DR1: variants seen among roughly 807,000 people sequenced by gnomAD.
DR1 encodes down-regulator of transcription 1, also known as protein Dr1.
In DR1, 7 loss-of-function variants were observed where a neutral mutation model predicts 19.9. The ratio of observed to expected loss-of-function variants is 0.35; its 90% CI spans 0.20 to 0.66. The LOEUF (loss-of-function observed/expected upper bound fraction) is 0.66, where lower values mean the gene tolerates loss of function less well. DR1 is among the 30% of genes least tolerant of loss of function. The pLI is 0.66. For missense variants in DR1, 98 were observed against 203.7 expected (o/e 0.48, Z 3.16); for synonymous variants, 76 against 72.5 (o/e 1.05, Z -0.24).
At chr1:93,356,739 T>TTTA (rs1666991001) in intron 2 of DR1, among the ~76,000 whole-genome samples, 1 of 137,732 alleles carries the variant, frequency 7.3e-6, no homozygotes, top group African/African-American at 2.5e-5. Flanking sequence ...TTTTTTTTTT[T>TTTA]GAGATGGAGT....
In DR1 at chr1:93,367,043, G is replaced by T. The variant is rs1032489728; in HGVS notation, c.*6404G>T. ...TTATCCAGCCCCAAATGTTTATGGG[G>T]TTGTTATTGATAAACCCTGCATTAA... On this transcript the variant is annotated 3_prime_UTR_variant, in exon 3 of 3. Coordinates refer to ENST00000370272, the MANE Select transcript of DR1 (RefSeq NM_001938.3). 1 of 151,634 alleles carries T rather than the reference G, an allele frequency of 6.6e-6. No homozygotes were observed. Among genetic ancestry groups the T allele is most frequent in the Admixed American group, 6.6e-5 (1 of 15,196 alleles). The allele number at this position is 151,634 out of a possible 1,614,324, so 9.4% of individuals were successfully genotyped here. A position where few individuals can be genotyped will look rare whatever the true frequency, so the allele number is the denominator to read the frequency against.
At position 93,363,263 on chromosome 1, in the gene DR1, T is replaced by C. The variant is rs535566472; in HGVS notation, c.*2624T>C. 2.0e-5 allele frequency: 3 copies of C among 152,334 alleles called. No individual in the cohort carries two copies. Among genetic ancestry groups the C allele is most frequent in the African/African-American group, 7.2e-5 (3 of 41,582 alleles). 9.4% of individuals were successfully genotyped at this position (152,334 alleles called of 1,614,324 possible). A position where few individuals can be genotyped will look rare whatever the true frequency, so the allele number is the denominator to read the frequency against. On this transcript the variant is annotated 3_prime_UTR_variant, in exon 3 of 3. Coordinates refer to ENST00000370272, the MANE Select transcript of DR1 (RefSeq NM_001938.3). ...TAGATTAGTTTTGCCTGTTTTTTAT[T>C]TTATGTAAATGTAATCATACATAAT...
In DR1 at chr1:93,346,340, C is replaced by T. The variant is rs111488230; in HGVS notation, c.-306C>T. 8.8e-4 allele frequency: 357 copies of T among 405,410 alleles called. 2 individuals carry two copies. Among genetic ancestry groups the T allele is most frequent in the African/African-American group, 6.6e-3 (324 of 49,110 alleles). The allele number at this position is 405,410 out of a possible 1,614,324, so 25.1% of individuals were successfully genotyped here. On this transcript the variant is annotated 5_prime_UTR_variant, in exon 1 of 3. Coordinates refer to ENST00000370272, the MANE Select transcript of DR1 (RefSeq NM_001938.3). ...GACAGCGCCCGCCCCTCTGAGGAGA[C>T]ACGAAGGTGGTTCCCCAGCCGCTCA... is the stretch of plus-strand genomic sequence containing the variant.
chr1:93,356,098 C>T (rs1033999247), intron 2 of DR1, among the ~76,000 whole-genome samples: 5 of 152,072 alleles, frequency 3.3e-5, no homozygotes, highest in African/African-American at 1.2e-4. Flanking sequence ...CTGTCTTTCA[C>T]ACCCCAATTT....
In DR1 at chr1:93,366,583, T is replaced by TAAGTC. The variant is rs1667133677; in HGVS notation, c.*5945_*5949dup. 1 of 152,198 alleles carries TAAGTC rather than the reference T, an allele frequency of 6.6e-6. No individual in the cohort carries two copies. Among genetic ancestry groups the TAAGTC allele is most frequent in the South Asian group, 2.1e-4 (1 of 4,836 alleles). 9.4% of individuals were successfully genotyped at this position (152,198 alleles called of 1,614,324 possible). ...TAGGTGAACTGATATAAATAAGAGT[T>TAAGTC]AAGTCCCTATGGCATATATTTCTGG... On this transcript the variant is annotated 3_prime_UTR_variant, in exon 3 of 3. Transcript: ENST00000370272.
chr1:93,367,843 C>A lies in DR1; in HGVS notation c.*7204C>A, dbSNP rs1667185951. 2 of 152,220 alleles carry A rather than the reference C, an allele frequency of 1.3e-5. No individual in the cohort carries two copies. Among genetic ancestry groups the A allele is most frequent in the Non-Finnish European group, 2.9e-5 (2 of 68,084 alleles). 9.4% of individuals were successfully genotyped at this position (152,220 alleles called of 1,614,324 possible). ...CCCGGCCAACATAGTGAAACCTCAT[C>A]TGTGCTAAAATACAAAAAATTAGCC... On this transcript the variant is annotated 3_prime_UTR_variant, in exon 3 of 3. Coordinates refer to ENST00000370272, the MANE Select transcript of DR1 (RefSeq NM_001938.3).
chr1:93,350,183 A>G (rs1346587436), intron 1 of DR1, among the ~76,000 whole-genome samples: 2 of 152,150 alleles, frequency 1.3e-5, no homozygotes, highest in Non-Finnish European at 2.9e-5. Flanking sequence ...CTTATTGAAT[A>G]CTACCAATTA....
Position 93,346,464 on chromosome 1 carries a change from TCACA to T in DR1, c.-178_-175del, listed in dbSNP as rs2101633878. 2 of 603,480 alleles carry T rather than the reference TCACA, an allele frequency of 3.3e-6. No homozygotes were observed. The highest frequency in any genetic ancestry group is 2.9e-5 in the Admixed American group (1 of 34,050). The allele number at this position is 603,480 out of a possible 1,614,324, so 37.4% of individuals were successfully genotyped here. A position where few individuals can be genotyped will look rare whatever the true frequency, so the allele number is the denominator to read the frequency against. On this transcript the variant is annotated 5_prime_UTR_variant, in exon 1 of 3. Transcript: ENST00000370272. The stretch of plus-strand genomic sequence containing the variant: ...TCTTCCCAAACTCATCCTAAATCTC[TCACA>T]CACGCGAGTGTTCCCAGCCCTCAAG...
chr1:93,366,099 TCTC>T lies in DR1; in HGVS notation c.*5464_*5466del, dbSNP rs1286000680. The T allele has an allele frequency of 2.0e-5, 3 of 152,180 alleles. No individual in the cohort carries two copies. Among genetic ancestry groups the T allele is most frequent in the Admixed American group, 6.5e-5 (1 of 15,276 alleles). 9.4% of individuals were successfully genotyped at this position (152,180 alleles called of 1,614,324 possible). ...AACAATAACCACCCATTACCTCCTC[TCTC>T]CTCAGCCTCTGGTAACCAGCATTCA... On this transcript the variant is annotated 3_prime_UTR_variant, in exon 3 of 3. Transcript: ENST00000370272.
chr1:93,364,650 A>G lies in DR1; in HGVS notation c.*4011A>G, dbSNP rs1207397621. ...ACCATCCCCCAGGATATAAAGTGTC[A>G]TGGTTAGGATCGGCCAGGGTGAAGA... is the stretch of plus-strand genomic sequence containing the variant. On this transcript the variant is annotated 3_prime_UTR_variant, in exon 3 of 3. Coordinates refer to ENST00000370272, the MANE Select transcript of DR1 (RefSeq NM_001938.3). 6.6e-6 allele frequency: 1 copy of G among 152,176 alleles called. No homozygotes were observed. The highest frequency in any genetic ancestry group is 1.5e-5 in the Non-Finnish European group (1 of 68,048). 9.4% of individuals were successfully genotyped at this position (152,176 alleles called of 1,614,324 possible).
intron 2 of DR1, 21 bp from the exon 3 acceptor site, chr1:93,360,472 T>G: frequency 6.5e-7 from 1 of 1,540,070 alleles, no homozygotes; most frequent in Non-Finnish European, 8.7e-7. Flanking sequence ...TGTTATTTTT[T>G]TTTATGTTTT....
intron 1 of DR1, among the ~76,000 whole-genome samples, chr1:93,349,763 A>C (rs967152038): frequency 6.6e-6 from 1 of 152,166 alleles, no homozygotes; most frequent in East Asian, 1.9e-4. Context: ...TAGCTTTGTA[A>C]GATAACATGA....
At position 93,361,043 on chromosome 1, in the gene DR1, A is replaced by AGCG. The variant is rs139722860; in HGVS notation, c.*405_*406insCGG. 3.3e-4 allele frequency: 49 copies of AGCG among 147,978 alleles called. No homozygotes were observed. The highest frequency in any genetic ancestry group is 8.2e-4 in the African/African-American group (33 of 40,398). The allele number at this position is 147,978 out of a possible 1,614,324, so 9.2% of individuals were successfully genotyped here. On this transcript the variant is annotated 3_prime_UTR_variant, in exon 3 of 3. Coordinates refer to ENST00000370272, the MANE Select transcript of DR1 (RefSeq NM_001938.3). ...AAAACTTGTGAATTTTAAATTATTA[A>AGCG]GGGGGGGGTGCTGTGTGAATCAGTA... is the stretch of plus-strand genomic sequence containing the variant.
In DR1 at chr1:93,360,654, G is replaced by A; in HGVS notation, c.*15G>A. The stretch of plus-strand genomic sequence containing the variant: ...ATGATATCTGAAATTCACCAGCTGA[G>A]TTTCTATTTCTTCTATAAATGTTTT... On this transcript the variant is annotated 3_prime_UTR_variant, in exon 3 of 3. Transcript: ENST00000370272. The A allele has an allele frequency of 6.3e-7, 1 of 1,578,598 alleles. No homozygotes were observed. Among genetic ancestry groups the A allele is most frequent in the Non-Finnish European group, 8.6e-7 (1 of 1,168,764 alleles).
chr1:93,361,349 T>A lies in DR1; in HGVS notation c.*710T>A, dbSNP rs1199960745. On this transcript the variant is annotated 3_prime_UTR_variant, in exon 3 of 3. Coordinates refer to ENST00000370272, the MANE Select transcript of DR1 (RefSeq NM_001938.3). ...AGCTCCACTATGACATTTCAAAGAC[T>A]GCCCAGTTTGGAAGTCTGTCATGAT... 6.6e-6 allele frequency: 1 copy of A among 152,596 alleles called. No individual in the cohort carries two copies. Among genetic ancestry groups the A allele is most frequent in the Admixed American group, 6.5e-5 (1 of 15,278 alleles). The allele number at this position is 152,596 out of a possible 1,614,324, so 9.5% of individuals were successfully genotyped here. A position where few individuals can be genotyped will look rare whatever the true frequency, so the allele number is the denominator to read the frequency against.
chr1:93,350,403 A>T (rs1482639703), intron 1 of DR1, among the ~76,000 whole-genome samples: 1 of 152,322 alleles, frequency 6.6e-6, no homozygotes, highest in East Asian at 1.9e-4. Flanking sequence ...TGTGAAATAC[A>T]TTAGTTGCTT....
At chr1:93,356,511 A>AC (rs1557746780) in intron 2 of DR1, among the ~76,000 whole-genome samples, 1 of 152,168 alleles carries the variant, frequency 6.6e-6, no homozygotes, top group African/African-American at 2.4e-5. Flanking sequence ...TTGAAATGTA[A>AC]CTAGTACACA....
Position 93,362,854 on chromosome 1 carries a change from T to TTTTTTTTTG in DR1, c.*2215_*2216insTTTTTTTTG. ...TTTTTTTTTTTTTTTTTTTTTTTTT[T>TTTTTTTTTG]AGCATTTAAGAGTCACTATTATGTT... On this transcript the variant is annotated 3_prime_UTR_variant, in exon 3 of 3. Transcript: ENST00000370272. The TTTTTTTTTG allele has an allele frequency of 1.4e-5, 1 of 70,920 alleles. No homozygotes were observed. The highest frequency in any genetic ancestry group is 3.2e-5 in the Non-Finnish European group (1 of 31,480). 4.4% of individuals were successfully genotyped at this position (70,920 alleles called of 1,614,324 possible). A position where few individuals can be genotyped will look rare whatever the true frequency, so the allele number is the denominator to read the frequency against.
At position 93,360,712 on chromosome 1, in the gene DR1, T is replaced by C; in HGVS notation, c.*73T>C. 1.3e-6 allele frequency: 2 copies of C among 1,516,806 alleles called. No homozygotes were observed. Among genetic ancestry groups the C allele is most frequent in the Non-Finnish European group, 1.8e-6 (2 of 1,131,132 alleles). 94.0% of individuals were successfully genotyped at this position (1,516,806 alleles called of 1,614,324 possible). On this transcript the variant is annotated 3_prime_UTR_variant, in exon 3 of 3. Transcript: ENST00000370272. ...ACAACAAAAACAGTGAAAGAAATGC[T>C]TATCTGTAATTTTGTATGCATCTTG...
Sources: allele counts gnomAD v4.1 joint callset (sites outside exome capture counted in the v4.1 genomes callset), GRCh38; gene constraint gnomAD v4.1.1; transcripts MANE v1.5; gene names NCBI Gene and HGNC (gene_info 2026-07-23, HGNC 2026-07-21).